Variants in GUCY1A2 observed in about 807,000 individuals in gnomAD.
The protein encoded by GUCY1A2 is guanylate cyclase 1 soluble subunit alpha 2.
In GUCY1A2, 27 loss-of-function variants were observed where a neutral mutation model predicts 63.5. The observed-to-expected ratio is 0.43, with a 90% CI of 0.31 to 0.59. GUCY1A2 has a LOEUF of 0.59. GUCY1A2 is among the 20% of genes least tolerant of loss of function. The pLI, the probability that GUCY1A2 is intolerant of heterozygous loss-of-function variation, is 0.11. For synonymous variants in GUCY1A2, 364 were observed against 343.5 expected (o/e 1.06, Z -0.66); for missense variants, 768 against 913.3 (o/e 0.84, Z 2.05).
rs576460404 is a variant in GUCY1A2, at chr11:106,827,443, A to G, written c.1207-16965T>C. On this transcript the variant is annotated intron_variant, in intron 4 of 7. Transcript: ENST00000526355. ...TGCGATACCACCGTTCCCTAAGATC[A>G]TTATTCTTTTAGCTTTAGTAAGCTG... 595 of 1,446,772 alleles carry G rather than the reference A, an allele frequency of 4.1e-4. 1 individual carries two copies. The highest frequency in any genetic ancestry group is 3.6e-3 in the Middle Eastern group (21 of 5,764). The allele number at this position is 1,446,772 out of a possible 1,614,324, so 89.6% of individuals were successfully genotyped here. A position where few individuals can be genotyped will look rare whatever the true frequency, so the allele number is the denominator to read the frequency against.
At chr11:106,814,339 A>C (rs1292407367) in intron 4 of GUCY1A2, among the ~76,000 whole-genome samples, 3 of 152,124 alleles carry the variant, frequency 2.0e-5, no homozygotes. Flanking sequence ...TCAATAATTA[A>C]AGGGGCTTCC....
intron 4 of GUCY1A2, among the ~76,000 whole-genome samples, chr11:106,906,276 G>A (rs543358140): frequency 2.2e-4 from 33 of 152,128 alleles, no homozygotes; most frequent in Admixed American, 1.3e-3. Context: ...AAAACTGGGC[G>A]AACGATATGA....
chr11:107,006,141 C>G (rs1040144349), intron 1 of GUCY1A2, among the ~76,000 whole-genome samples: 1 of 152,142 alleles, frequency 6.6e-6, no homozygotes, highest in Non-Finnish European at 1.5e-5. Context: ...CCCAAGATAA[C>G]AAGAAGAGTT....
chr11:106,726,876 C>T (rs1389066234), intron 6 of GUCY1A2, among the ~76,000 whole-genome samples: 1 of 152,092 alleles, frequency 6.6e-6, no homozygotes, highest in African/African-American at 2.4e-5. Flanking sequence ...TGAGAGATAC[C>T]AGCTTTGAGG....
intron 5 of GUCY1A2, among the ~76,000 whole-genome samples, chr11:106,809,082 A>G (rs948023923): frequency 6.6e-6 from 1 of 152,116 alleles, no homozygotes; most frequent in Non-Finnish European, 1.5e-5. Flanking sequence ...CACCTTCTGG[A>G]TGATAATATA....
At chr11:106,945,887 C>T (rs1055443355) in intron 3 of GUCY1A2, among the ~76,000 whole-genome samples, 3 of 152,172 alleles carry the variant, frequency 2.0e-5, no homozygotes, top group Admixed American at 2.0e-4. Context: ...ATCGCTTGAA[C>T]CTGGGAGGCG....
chr11:106,735,764 T>C (rs1863578876), intron 6 of GUCY1A2, among the ~76,000 whole-genome samples: 1 of 152,136 alleles, frequency 6.6e-6, no homozygotes, highest in South Asian at 2.1e-4. Flanking sequence ...CATATGAGGG[T>C]TCCCCTTTCT....
At chr11:106,933,551 A>T (rs991967256) in intron 4 of GUCY1A2, among the ~76,000 whole-genome samples, 15 of 152,128 alleles carry the variant, frequency 9.9e-5, no homozygotes, top group Non-Finnish European at 1.8e-4. Context: ...TTCTCAAAGA[A>T]GTTAAAAAGA....
chr11:106,956,030 G>A (rs1860979985), intron 3 of GUCY1A2, among the ~76,000 whole-genome samples: 1 of 151,430 alleles, frequency 6.6e-6, no homozygotes, highest in Non-Finnish European at 1.5e-5. Flanking sequence ...TCTTATTTCA[G>A]TAAGGTAGTT....
rs933948580 is a variant in GUCY1A2 at position 106,684,419 on chromosome 11, A to G, written c.*3130T>C. 2 of 191,492 alleles carry G rather than the reference A, an allele frequency of 1.0e-5. No individual in the cohort carries two copies. The highest frequency in any genetic ancestry group is 2.2e-5 in the Non-Finnish European group (2 of 91,582). 11.9% of individuals were successfully genotyped at this position (191,492 alleles called of 1,614,324 possible). A position where few individuals can be genotyped will look rare whatever the true frequency, so the allele number is the denominator to read the frequency against. On this transcript the variant is annotated 3_prime_UTR_variant, in exon 8 of 8. Transcript: ENST00000526355. Reference sequence around the variant, plus strand: ...TATATAGACAAGAGATCCAACTACTATGTTTCTGAAGCATATTATTATTTT... The same window carrying G: ...TATATAGACAAGAGATCCAACTACTGTGTTTCTGAAGCATATTATTATTTT...
At chr11:106,859,598 G>A (rs138111259) in intron 4 of GUCY1A2, among the ~76,000 whole-genome samples, 1 of 152,054 alleles carries the variant, frequency 6.6e-6, no homozygotes, top group African/African-American at 2.4e-5. Context: ...TTTTAAAAGT[G>A]AAATAAGATT....
chr11:107,002,388 GGTGTGTGTGTGTGT>G (rs71044205), intron 1 of GUCY1A2, among the ~76,000 whole-genome samples: 1 of 149,034 alleles, frequency 6.7e-6, no homozygotes, highest in Non-Finnish European at 1.5e-5. Flanking sequence ...AATAAGAACA[GGTGTGTGTGTGTGT>G]GTGTGTGTGT....
At chr11:106,884,588 G>T (rs915608475) in intron 4 of GUCY1A2, among the ~76,000 whole-genome samples, 2 of 152,002 alleles carry the variant, frequency 1.3e-5, no homozygotes, top group Non-Finnish European at 2.9e-5. Flanking sequence ...CACAGGAAAA[G>T]GGGTTAGAAA....
intron 6 of GUCY1A2, among the ~76,000 whole-genome samples, chr11:106,742,179 T>C (rs76354221): frequency 0.076 from 11,499 of 152,226 alleles, 795 homozygotes; most frequent in African/African-American, 0.19. Flanking sequence ...TTCAAATGGA[T>C]GAATTTTCTT....
intron 4 of GUCY1A2, among the ~76,000 whole-genome samples, chr11:106,880,487 G>C (rs982297105): frequency 6.6e-6 from 1 of 151,988 alleles, no homozygotes; most frequent in Non-Finnish European, 1.5e-5. Flanking sequence ...CTGGATCCAA[G>C]TTTCTCCTTT....
chr11:106,720,607 A>T (rs1863300245), intron 6 of GUCY1A2, among the ~76,000 whole-genome samples: 1 of 152,214 alleles, frequency 6.6e-6, no homozygotes, highest in Admixed American at 6.5e-5. Flanking sequence ...TTAAATAGTC[A>T]TGCAGTGTTA....
At chr11:106,829,363 G>A (rs1271386553) in intron 4 of GUCY1A2, among the ~76,000 whole-genome samples, 2 of 152,178 alleles carry the variant, frequency 1.3e-5, no homozygotes, top group East Asian at 1.9e-4. Flanking sequence ...GTGGAAAGAT[G>A]AAAAGAGTGA....
intron 4 of GUCY1A2, among the ~76,000 whole-genome samples, chr11:106,894,585 A>G (rs569743706): frequency 1.3e-5 from 2 of 152,330 alleles, no homozygotes; most frequent in Non-Finnish European, 2.9e-5. Context: ...AAAGACTAGA[A>G]GTCTTACAAT....
chr11:106,965,153 A>AAT (rs1347417300), intron 3 of GUCY1A2, among the ~76,000 whole-genome samples: 1 of 151,886 alleles, frequency 6.6e-6, no homozygotes, highest in Non-Finnish European at 1.5e-5. Flanking sequence ...TTGGAAACAG[A>AAT]GAAAAATGCA....
Sources: allele counts gnomAD v4.1 joint callset (sites outside exome capture counted in the v4.1 genomes callset), GRCh38; gene constraint gnomAD v4.1.1; transcripts MANE v1.5; gene names NCBI Gene and HGNC (gene_info 2026-07-23, HGNC 2026-07-21).